Variants in ZNF385D observed in about 807,000 individuals in gnomAD.
ZNF385D encodes the protein zinc finger protein 659.
Under a neutral mutation model 35.8 loss-of-function variants are expected in ZNF385D, and 15 were observed. That is an observed-to-expected ratio of 0.42 (90% CI 0.28 to 0.64). The LOEUF (loss-of-function observed/expected upper bound fraction) is 0.64. Ranked by LOEUF, ZNF385D falls within the 30% of genes least tolerant of loss-of-function variation. ZNF385D has a pLI of 0.23. For synonymous variants in ZNF385D, 212 were observed against 186.8 expected, an observed-to-expected ratio of 1.13 and a Z score of -1.10; for missense variants, 474 against 494.6, an observed-to-expected ratio of 0.96 and a Z score of 0.39.
At chr3:21,786,758 G>A (rs17621863) in intron 3 of ZNF385D, among the ~76,000 whole-genome samples, 9,729 of 152,178 alleles carry the variant, frequency 0.064, 432 homozygotes, top group Middle Eastern at 0.099. Context: ...TGCCATGTCC[G>A]TGAACATATG....
At chr3:21,495,627 A>G (rs1184855985) in intron 4 of ZNF385D, among the ~76,000 whole-genome samples, 1 of 152,132 alleles carries the variant, frequency 6.6e-6, no homozygotes, top group Non-Finnish European at 1.5e-5. Flanking sequence ...ACCTAACATC[A>G]CAATTAGAGA....
At chr3:21,640,648 C>T (rs1298140238) in intron 2 of ZNF385D, among the ~76,000 whole-genome samples, 1 of 152,130 alleles carries the variant, frequency 6.6e-6, no homozygotes, top group Non-Finnish European at 1.5e-5. Flanking sequence ...TTGCCAAACA[C>T]AGAATCTGCT....
intron 3 of ZNF385D, among the ~76,000 whole-genome samples, chr3:22,056,681 G>T (rs1485080426): frequency 6.6e-6 from 1 of 152,174 alleles, no homozygotes; most frequent in African/African-American, 2.4e-5. Context: ...ATCAGCTATT[G>T]CCATAATAAT....
chr3:22,283,834 TCTC>T (rs1254280205), intron 2 of ZNF385D, among the ~76,000 whole-genome samples: 1 of 152,116 alleles, frequency 6.6e-6, no homozygotes, highest in African/African-American at 2.4e-5. Context: ...TTCCACCCAT[TCTC>T]CTCACAAGAA....
intron 3 of ZNF385D, among the ~76,000 whole-genome samples, chr3:21,963,609 G>A (rs897782771): frequency 5.3e-5 from 8 of 152,048 alleles, no homozygotes; most frequent in African/African-American, 9.7e-5. Flanking sequence ...CTTTCCTGCC[G>A]CTGGTGGTTG....
intron 3 of ZNF385D, among the ~76,000 whole-genome samples, chr3:21,986,520 G>A (rs1694812441): frequency 7.2e-6 from 1 of 137,946 alleles, no homozygotes; most frequent in Non-Finnish European, 1.5e-5. Context: ...TGATTGCACT[G>A]TGGTCTGAGA....
intron 3 of ZNF385D, among the ~76,000 whole-genome samples, chr3:22,035,299 A>T (rs1031053282): frequency 3.9e-5 from 6 of 152,212 alleles, no homozygotes; most frequent in African/African-American, 1.4e-4. Flanking sequence ...TATGAGAAAC[A>T]GGGCTGGACA....
intron 2 of ZNF385D, among the ~76,000 whole-genome samples, chr3:22,287,832 TTAC>T (rs1190502674): frequency 1.3e-5 from 2 of 152,088 alleles, no homozygotes. Context: ...AAAAATTTAT[TTAC>T]TTTTATTTTG....
chr3:21,530,393 G>T (rs2061894431), intron 3 of ZNF385D, among the ~76,000 whole-genome samples: 1 of 152,194 alleles, frequency 6.6e-6, no homozygotes, highest in South Asian at 2.1e-4. Context: ...TTAGGGAGAA[G>T]TACTGGAGTC....
intron 3 of ZNF385D, among the ~76,000 whole-genome samples, chr3:21,920,191 A>C (rs1700384630): frequency 6.6e-6 from 1 of 152,314 alleles, no homozygotes; most frequent in Non-Finnish European, 1.5e-5. Context: ...ATTTAGAGAA[A>C]GTATACTGAC....
chr3:22,156,057 A>G (rs962280848), intron 3 of ZNF385D, among the ~76,000 whole-genome samples: 1 of 152,080 alleles, frequency 6.6e-6, no homozygotes, highest in African/African-American at 2.4e-5. Flanking sequence ...AGGGATCCTA[A>G]CACATATGTG....
intron 2 of ZNF385D, among the ~76,000 whole-genome samples, chr3:22,367,607 T>C (rs1482372825): frequency 6.6e-6 from 1 of 151,906 alleles, no homozygotes; most frequent in African/African-American, 2.4e-5. Context: ...ATTTTTTTTT[T>C]CAGAATGCCT....
chr3:21,551,677 C>T (rs947058736), intron 3 of ZNF385D, among the ~76,000 whole-genome samples: 1 of 152,144 alleles, frequency 6.6e-6, no homozygotes, highest in African/African-American at 2.4e-5. Context: ...GGACAAATTA[C>T]AACCCTTCAG....
chr3:22,265,020 T>G (rs992577847), intron 2 of ZNF385D, among the ~76,000 whole-genome samples: 2 of 151,916 alleles, frequency 1.3e-5, no homozygotes, highest in Non-Finnish European at 2.9e-5. Context: ...CGGACTTTTT[T>G]TCATGCAACA....
intron 4 of ZNF385D, among the ~76,000 whole-genome samples, chr3:21,476,578 G>A (rs533118823): frequency 4.6e-5 from 7 of 151,960 alleles, no homozygotes; most frequent in East Asian, 1.9e-4. Context: ...GTGTGCATGC[G>A]TGTGATAGAA....
intron 4 of ZNF385D, among the ~76,000 whole-genome samples, chr3:21,473,775 C>G (rs1704051235): frequency 6.6e-6 from 1 of 152,052 alleles, no homozygotes. Flanking sequence ...TCTTATATCT[C>G]TGTTCTTGAC....
At chr3:22,074,102 T>C (rs1012421335) in intron 3 of ZNF385D, among the ~76,000 whole-genome samples, 5 of 151,952 alleles carry the variant, frequency 3.3e-5, no homozygotes, top group Non-Finnish European at 7.4e-5. Context: ...CCCAGGATAC[T>C]TTTTTTCTTT....
chr3:21,587,924 G>A (rs1254271788), intron 2 of ZNF385D, among the ~76,000 whole-genome samples: 1 of 152,062 alleles, frequency 6.6e-6, no homozygotes, highest in Non-Finnish European at 1.5e-5. Flanking sequence ...CAATTTCTGT[G>A]CAATTTTTGA....
At chr3:22,300,020 A>C (rs1702811819) in intron 2 of ZNF385D, among the ~76,000 whole-genome samples, 1 of 152,026 alleles carries the variant, frequency 6.6e-6, no homozygotes, top group Non-Finnish European at 1.5e-5. Flanking sequence ...AGCACAAAGA[A>C]CAAAGCTGGA....
Sources: allele counts gnomAD v4.1 joint callset (sites outside exome capture counted in the v4.1 genomes callset), GRCh38; gene constraint gnomAD v4.1.1; transcripts MANE v1.5; gene names NCBI Gene and HGNC (gene_info 2026-07-23, HGNC 2026-07-21).